PCTP: variants seen among roughly 807,000 people sequenced by gnomAD.
PCTP encodes phosphatidylcholine transfer protein.
Under a neutral mutation model 31.0 loss-of-function variants are expected in PCTP, and 27 were observed. That is an observed-to-expected ratio of 0.87 (90% CI 0.64 to 1.20). The LOEUF (loss-of-function observed/expected upper bound fraction) is 1.20. PCTP is among the 50% of genes most tolerant of loss of function. The probability of loss-of-function intolerance (pLI) is 0.00; values close to 1 mark genes in which losing one functional copy is unlikely to be tolerated. For synonymous variants in PCTP, 108 were observed against 101.2 expected (o/e 1.07, Z -0.40); for missense variants, 287 against 268.2 (o/e 1.07, Z -0.49).
downstream of PCTP, among the ~76,000 whole-genome samples, chr17:55,823,750 A>C (rs1244245946): frequency 6.6e-6 from 1 of 152,204 alleles, no homozygotes; most frequent in Non-Finnish European, 1.5e-5. Context: ...ACTGTTTTGG[A>C]CATGTCCAGA....
intron 1 of PCTP, among the ~76,000 whole-genome samples, chr17:55,762,186 C>T (rs1910374066): frequency 6.6e-6 from 1 of 152,144 alleles, no homozygotes; most frequent in Non-Finnish European, 1.5e-5. Flanking sequence ...GGACTGTATG[C>T]TGGCTCAGGT....
At chr17:55,839,944 A>C (rs1461026905) in intron 5 of PCTP, among the ~76,000 whole-genome samples, 1 of 150,616 alleles carries the variant, frequency 6.6e-6, no homozygotes, top group Non-Finnish European at 1.5e-5. Flanking sequence ...AAAAAAAAAA[A>C]AAACAACTGA....
In PCTP at chr17:55,774,652, A is replaced by G; in HGVS notation, c.512-140A>G. 5 of 665,446 alleles carry G rather than the reference A, an allele frequency of 7.5e-6. No homozygotes were observed. In the South Asian group the frequency reaches 8.9e-5, roughly 12 times the overall value. The allele number at this position is 665,446 out of a possible 1,614,324, so 41.2% of individuals were successfully genotyped here. On this transcript the variant is annotated intron_variant, in intron 4 of 5. Transcript: ENST00000268896. Reference sequence around the variant, plus strand: ...TATGCCATAAGGGCAGTCAATGGAGAGAAGTCCATCTGAATTATATGCTAC... The same window carrying G: ...TATGCCATAAGGGCAGTCAATGGAGGGAAGTCCATCTGAATTATATGCTAC...
At chr17:55,833,033 C>T (rs1905656143) in intron 5 of PCTP, among the ~76,000 whole-genome samples, 1 of 152,216 alleles carries the variant, frequency 6.6e-6, no homozygotes, top group Non-Finnish European at 1.5e-5. Flanking sequence ...ATGCTTCACA[C>T]TCACCGCCAC....
Position 55,840,738 on chromosome 17 carries a change from G to A in PCTP, n.506-1989G>A, listed in dbSNP as rs963355720. Among the ~76,000 whole-genome samples, 18 of 152,258 alleles carry A rather than the reference G, an allele frequency of 1.2e-4. No individual in the cohort carries two copies. The East Asian group carries it at 3.3e-3, about 28-fold the overall frequency. The stretch of plus-strand genomic sequence containing the variant: ...ATTAAACCTTATCATAGGTACATAG[G>A]TATAGAAAAAGAAACAAGAGTACAA... On this transcript the variant is annotated intron_variant and non_coding_transcript_variant, in intron 5 of 5. Coordinates refer to the PCTP transcript ENST00000576221.
chr17:55,767,468 T>A lies in PCTP; in HGVS notation c.259+16T>A. Reference sequence around the variant, plus strand: ...TATGTTAAAGGTGAGTGATGCTTGCTTTTCTTTTTTTTTTAGACGTACTTT... The same window carrying A: ...TATGTTAAAGGTGAGTGATGCTTGCATTTCTTTTTTTTTTAGACGTACTTT... On this transcript the variant is annotated intron_variant, in intron 2 of 5. Coordinates refer to ENST00000268896, the MANE Select transcript of PCTP (RefSeq NM_021213.4). 7.4e-7 allele frequency: 1 copy of A among 1,358,752 alleles called. No individual in the cohort carries two copies. The highest frequency in any genetic ancestry group is 9.9e-7 in the Non-Finnish European group (1 of 1,013,164). 84.2% of individuals were successfully genotyped at this position (1,358,752 alleles called of 1,614,324 possible). A position where few individuals can be genotyped will look rare whatever the true frequency, so the allele number is the denominator to read the frequency against.
At chr17:55,784,174 A>G (rs993546038) in intron 2 of PCTP, among the ~76,000 whole-genome samples, 2 of 152,308 alleles carry the variant, frequency 1.3e-5, no homozygotes, top group Admixed American at 6.5e-5. Context: ...CAGCTTGGCC[A>G]GGGAAGAGCT....
At chr17:55,809,536 T>TTC (rs1352180702) in intron 3 of PCTP, among the ~76,000 whole-genome samples, 1 of 151,784 alleles carries the variant, frequency 6.6e-6, no homozygotes, top group Non-Finnish European at 1.5e-5. Context: ...TTTTTTTTTT[T>TTC]TTTGGAGACG....
chr17:55,766,228 G>GT (rs1300153256), intron 1 of PCTP, among the ~76,000 whole-genome samples: 1 of 150,860 alleles, frequency 6.6e-6, no homozygotes, highest in African/African-American at 2.4e-5. Flanking sequence ...AGTGTTTGGT[G>GT]TGGCATGAAC....
At chr17:55,763,534 T>G (rs570574906) in intron 1 of PCTP, among the ~76,000 whole-genome samples, 4 of 152,248 alleles carry the variant, frequency 2.6e-5, no homozygotes, top group African/African-American at 9.6e-5. Flanking sequence ...GGAAACAAAT[T>G]TTTTTGGAGA....
chr17:55,845,983 T>C (rs1906142759), downstream of PCTP, among the ~76,000 whole-genome samples: 1 of 151,926 alleles, frequency 6.6e-6, no homozygotes, highest in South Asian at 2.1e-4. Flanking sequence ...GCGCCCTGTG[T>C]ATCCATGGAT....
chr17:55,780,208 A>G (rs1174921803), downstream of PCTP, among the ~76,000 whole-genome samples: 1 of 151,962 alleles, frequency 6.6e-6, no homozygotes, highest in East Asian at 1.9e-4. Flanking sequence ...TTGCTCATCT[A>G]TTTATATATG....
At chr17:55,804,700 C>A (rs1751753462) in intron 3 of PCTP, among the ~76,000 whole-genome samples, 1 of 152,078 alleles carries the variant, frequency 6.6e-6, no homozygotes, top group African/African-American at 2.4e-5. Flanking sequence ...ACGTCACACA[C>A]TGGAGCCTGT....
rs79186953 is a variant in PCTP, at chr17:55,756,715, A to ATGTGTG, written c.141+5493_141+5498dup. ...ACACGTGTGTGTGTGTGTATTATGA[A>ATGTGTG]TGTGTGTGTGTGTGTGTGTGTGTGT... On this transcript the variant is annotated intron_variant, in intron 1 of 5. Coordinates refer to ENST00000268896, the MANE Select transcript of PCTP (RefSeq NM_021213.4). 2.6e-3 allele frequency among the ~76,000 whole-genome samples: 390 copies of ATGTGTG among 150,386 alleles called. 2 individuals are homozygous for ATGTGTG. The highest frequency in any genetic ancestry group is 8.6e-3 in the African/African-American group (352 of 40,842).
chr17:55,767,354 A>G lies in PCTP; in HGVS notation c.161A>G (p.Tyr54Cys). Residue 54 changes from tyrosine to cysteine, a missense_variant, in exon 2 of 6, where the codon TAT becomes TGT. Physicochemically the swap from Tyr to Cys is radical, Grantham distance 194. Coordinates refer to ENST00000268896, the MANE Select transcript of PCTP (RefSeq NM_021213.4). ...LLDKKTGLYE[Y>C]KVFGVLEDCS... The stretch of plus-strand genomic sequence containing the variant: ...TTATAGAAGACTGGACTTTATGAGT[A>G]TAAAGTCTTTGGTGTTCTGGAGGAC... The G allele has an allele frequency of 1.9e-6, 3 of 1,611,008 alleles. No individual in the cohort carries two copies. The highest frequency in any genetic ancestry group is 1.7e-4 in the Middle Eastern group (1 of 6,060).
At chr17:55,798,483 A>G (rs1324762016) in intron 3 of PCTP, among the ~76,000 whole-genome samples, 5 of 152,016 alleles carry the variant, frequency 3.3e-5, no homozygotes, top group African/African-American at 1.2e-4. Context: ...AGGGCAACCA[A>G]AGGAAAAAAA....
intron 3 of PCTP, among the ~76,000 whole-genome samples, chr17:55,804,489 A>G (rs1327636746): frequency 6.6e-6 from 1 of 152,236 alleles, no homozygotes; most frequent in Non-Finnish European, 1.5e-5. Flanking sequence ...GATAGACTGG[A>G]TAAAGAAAAT....
chr17:55,783,271 A>C (rs185642924), intron 2 of PCTP, among the ~76,000 whole-genome samples: 100 of 152,290 alleles, frequency 6.6e-4, no homozygotes, highest in Non-Finnish European at 2.8e-4. Context: ...AGTCTACTCA[A>C]CAGAATGATA....
At chr17:55,850,650 A>G in the PCTP span, among the ~76,000 whole-genome samples, 1 of 152,146 alleles carries the variant, frequency 6.6e-6, no homozygotes, top group Non-Finnish European at 1.5e-5. Context: ...TGGGATGATG[A>G]TTCTGTCATA....
Sources: gnomAD v4.1 joint callset for allele counts (sites outside exome capture counted in the v4.1 genomes callset) on GRCh38, gnomAD v4.1.1 for gene constraint, MANE v1.5 for transcripts, NCBI Gene and HGNC (gene_info 2026-07-23, HGNC 2026-07-21) for gene names.